TBCE: variants seen among roughly 807,000 people sequenced by gnomAD.
TBCE encodes the protein tubulin folding cofactor E.
TBCE carries 53 observed loss-of-function variants against 77.0 expected under a neutral mutation model. The observed-to-expected ratio is 0.69, with a 90% CI of 0.55 to 0.87. The LOEUF (loss-of-function observed/expected upper bound fraction) is 0.87. Among genes scored for constraint, TBCE ranks in the 40% least tolerant of loss-of-function variants. The pLI is 0.00. For synonymous variants in TBCE, 235 were observed against 241.3 expected (o/e 0.97, Z 0.24); for missense variants, 624 against 622.4 (o/e 1.00, Z -0.03).
At chr1:235,447,662 G>GTAAT (rs985833833) in intron 15 of TBCE, among the ~76,000 whole-genome samples, 1 of 152,144 alleles carries the variant, frequency 6.6e-6, no homozygotes, top group Non-Finnish European at 1.5e-5. Context: ...TGTTCGTTCA[G>GTAAT]TAATTCATAA....
chr1:235,417,142 A>T (rs1301426519), intron 4 of TBCE, among the ~76,000 whole-genome samples: 1 of 152,214 alleles, frequency 6.6e-6, no homozygotes, highest in Non-Finnish European at 1.5e-5. Context: ...AATCAAAAAC[A>T]AATTAAAAAA....
At chr1:235,422,047 C>T (rs1208644613) in intron 5 of TBCE, among the ~76,000 whole-genome samples, 1 of 152,222 alleles carries the variant, frequency 6.6e-6, no homozygotes, top group Non-Finnish European at 1.5e-5. Flanking sequence ...CCCTGAGCAG[C>T]CTCCTCCGTT....
intron 12 of TBCE, 114 bp downstream of exon 12, chr1:235,437,588 G>C (rs1681548084): frequency 1.6e-6 from 2 of 1,242,392 alleles, no homozygotes; most frequent in Admixed American, 4.0e-5. Flanking sequence ...GGGGCAGGCT[G>C]ATCGCTGCAG....
chr1:235,390,147 G>C (rs1391224547), intron 2 of TBCE, among the ~76,000 whole-genome samples: 1 of 151,572 alleles, frequency 6.6e-6, no homozygotes, highest in East Asian at 1.9e-4. Context: ...AAAAGAAAAA[G>C]AAATGCAATT....
chr1:235,447,501 G>GTATGT (rs1296376854), intron 15 of TBCE, among the ~76,000 whole-genome samples: 2 of 152,126 alleles, frequency 1.3e-5, no homozygotes, highest in Non-Finnish European at 2.9e-5. Flanking sequence ...AGTCACTTGT[G>GTATGT]TATGTTTAAT....
At chr1:235,378,404 T>G (rs1053286769) in intron 1 of TBCE, among the ~76,000 whole-genome samples, 1 of 146,252 alleles carries the variant, frequency 6.8e-6, no homozygotes, top group Non-Finnish European at 1.5e-5. Context: ...TATTTTTTTT[T>G]GGTAGAGATA....
chr1:235,437,252 C>T, intron 11 of TBCE, 70 bp from the exon 12 acceptor site: 2 of 1,598,564 alleles, frequency 1.3e-6, no homozygotes, highest in Non-Finnish European at 1.7e-6. Flanking sequence ...TTTCCTGTTG[C>T]TGGTTCAAAC....
chr1:235,379,745 TG>T (rs1164896108), intron 1 of TBCE, among the ~76,000 whole-genome samples: 1 of 151,698 alleles, frequency 6.6e-6, no homozygotes, highest in East Asian at 1.9e-4. Flanking sequence ...GCTCAGGAGT[TG>T]GAGACCAGCC....
Position 235,380,017 on chromosome 1 carries a change from A to G in TBCE, c.-31-2A>G. 1 of 1,547,462 alleles carries G rather than the reference A, an allele frequency of 6.5e-7. No individual in the cohort carries two copies. The highest frequency in any genetic ancestry group is 8.9e-7 in the Non-Finnish European group (1 of 1,119,930). On this transcript the variant is annotated splice_acceptor_variant, in intron 1 of 16. Transcript: ENST00000642610. LOFTEE classifies it low-confidence loss of function (5UTR_SPLICE). ...TTATCAGTGTTGTATTTTTCTTCCT[A>G]GATCTCATATTTTGGATTCTGGATA...
intron 15 of TBCE, among the ~76,000 whole-genome samples, chr1:235,443,672 G>A (rs191872823): frequency 6.6e-6 from 1 of 152,216 alleles, no homozygotes; most frequent in African/African-American, 2.4e-5. Context: ...AAATTCTTAC[G>A]GGAGGTTTGT....
intron 4 of TBCE, among the ~76,000 whole-genome samples, chr1:235,416,388 T>TA (rs1680116855): frequency 6.6e-6 from 1 of 152,008 alleles, no homozygotes; most frequent in Non-Finnish European, 1.5e-5. Flanking sequence ...TAGCTGGGTG[T>TA]AGTGGTGCGT....
At chr1:235,399,115 A>G (rs1461680242) in intron 2 of TBCE, among the ~76,000 whole-genome samples, 1 of 151,678 alleles carries the variant, frequency 6.6e-6, no homozygotes, top group African/African-American at 2.4e-5. Flanking sequence ...CACCATGCCC[A>G]ACTATTTTTT....
intron 7 of TBCE, chr1:235,433,871 G>T (rs1315397629): frequency 3.5e-6 from 1 of 288,072 alleles, no homozygotes; most frequent in Non-Finnish European, 6.5e-6. Context: ...TACTTATTTT[G>T]GTTAAGCAAA....
At chr1:235,447,871 C>G (rs1252481443) in intron 15 of TBCE, among the ~76,000 whole-genome samples, 1 of 151,946 alleles carries the variant, frequency 6.6e-6, no homozygotes, top group African/African-American at 2.4e-5. Context: ...TGGTACAAGA[C>G]TCAGGCTTTC....
At chr1:235,421,118 A>T (rs556213160) in intron 5 of TBCE, among the ~76,000 whole-genome samples, 7 of 152,352 alleles carry the variant, frequency 4.6e-5, no homozygotes, top group Non-Finnish European at 7.3e-5. Context: ...GGTTAAAAGA[A>T]AATTTTAAGG....
intron 3 of TBCE, among the ~76,000 whole-genome samples, chr1:235,403,865 G>A (rs930085591): frequency 3.4e-4 from 52 of 152,188 alleles, no homozygotes; most frequent in African/African-American, 1.3e-3. Flanking sequence ...CTAGGCTACT[G>A]TATGGCATAG....
chr1:235,431,003 G>A (rs909402098), intron 7 of TBCE, among the ~76,000 whole-genome samples, 199 bp downstream of exon 7: 2 of 152,114 alleles, frequency 1.3e-5, no homozygotes, highest in Admixed American at 6.6e-5. Context: ...TTTTGCATCT[G>A]GAAATCCATG....
intron 2 of TBCE, among the ~76,000 whole-genome samples, chr1:235,383,528 T>A (rs1253702501): frequency 6.6e-6 from 1 of 152,172 alleles, no homozygotes; most frequent in Non-Finnish European, 1.5e-5. Flanking sequence ...AAGAGGTCCT[T>A]CATGTCCCTT....
At chr1:235,370,743 TTC>T (rs1676875827) in intron 1 of TBCE, among the ~76,000 whole-genome samples, 2 of 142,522 alleles carry the variant, frequency 1.4e-5, no homozygotes, top group African/African-American at 2.7e-5. Flanking sequence ...TCCTTGTCTT[TTC>T]TTTTTTTTTT....
Sources: gnomAD v4.1 joint callset for allele counts (sites outside exome capture counted in the v4.1 genomes callset) on GRCh38, gnomAD v4.1.1 for gene constraint, MANE v1.5 for transcripts, NCBI Gene and HGNC (gene_info 2026-07-23, HGNC 2026-07-21) for gene names.